SLCO1C1: variants seen among roughly 807,000 people sequenced by gnomAD.
SLCO1C1 encodes the protein solute carrier organic anion transporter family member 1C1.
Under a neutral mutation model 76.4 loss-of-function variants are expected in SLCO1C1, and 70 were observed. The ratio of observed to expected loss-of-function variants is 0.92; its 90% CI spans 0.76 to 1.12. The LOEUF is 1.12. SLCO1C1 is among the 50% of genes most tolerant of loss of function. The pLI, the probability that SLCO1C1 is intolerant of heterozygous loss-of-function variation, is 0.00. For synonymous variants in SLCO1C1, 306 were observed against 286.1 expected (o/e 1.07, Z -0.70); for missense variants, 912 against 823.8 (o/e 1.11, Z -1.31).
intron 4 of SLCO1C1, 118 bp from the exon 5 acceptor site, chr12:20,711,268 A>T: frequency 8.8e-7 from 1 of 1,139,468 alleles, no homozygotes; most frequent in Non-Finnish European, 1.2e-6. Context: ...TTGGTGAATT[A>T]GGTTCAGAGA....
chr12:20,703,038 C>A (rs1008194042), intron 3 of SLCO1C1, among the ~76,000 whole-genome samples: 1 of 151,766 alleles, frequency 6.6e-6, no homozygotes, highest in African/African-American at 2.4e-5. Context: ...TTCTTCCAGA[C>A]CATTCTAGGT....
chr12:20,718,583 G>A (rs571879194), intron 7 of SLCO1C1, among the ~76,000 whole-genome samples: 1 of 152,042 alleles, frequency 6.6e-6, no homozygotes, highest in East Asian at 1.9e-4. Context: ...AATGAGTCTC[G>A]AATTTAGTAT....
At chr12:20,699,757 A>G (rs1946430410) in intron 2 of SLCO1C1, 52 bp downstream of exon 2, 1 of 1,524,916 alleles carries the variant, frequency 6.6e-7, no homozygotes, top group Non-Finnish European at 8.8e-7. Flanking sequence ...TTCTGTCCAG[A>G]TATCATCTAT....
Position 20,701,448 on chromosome 12 carries a change from G to T in SLCO1C1, c.260G>T (p.Ser87Ile). The T allele has an allele frequency of 6.6e-7, 1 of 1,504,008 alleles. No individual in the cohort carries two copies. Among genetic ancestry groups the T allele is most frequent in the Non-Finnish European group, 9.0e-7 (1 of 1,107,938 alleles). 93.2% of individuals were successfully genotyped at this position (1,504,008 alleles called of 1,614,324 possible). A position where few individuals can be genotyped will look rare whatever the true frequency, so the allele number is the denominator to read the frequency against. ...PSSLVGVIDG[S>I]FEIGNLLVIT... ...TCACTGGTGGGAGTTATTGATGGTA[G>T]TTTTGAAATTGGTAGGTATTACAGA... is the stretch of plus-strand genomic sequence containing the variant. Residue 87 changes from serine (S) to isoleucine (I), a missense_variant, in exon 3 of 15, where the codon AGT becomes ATT. Physicochemically the swap from Ser to Ile is moderately radical, Grantham distance 142. Transcript: ENST00000266509.
chr12:20,708,739 G>A (rs1034572557), intron 4 of SLCO1C1, among the ~76,000 whole-genome samples: 1 of 152,162 alleles, frequency 6.6e-6, no homozygotes, highest in Non-Finnish European at 1.5e-5. Context: ...AAGCACAGAA[G>A]ATGAATGCTG....
intron 9 of SLCO1C1, among the ~76,000 whole-genome samples, chr12:20,725,024 CAT>C (rs987422487): frequency 7.2e-6 from 1 of 138,084 alleles, no homozygotes; most frequent in Non-Finnish European, 1.5e-5. Flanking sequence ...AAATATCTAA[CAT>C]ATATTAATAT....
chr12:20,723,925 A>G (rs1947803761), intron 9 of SLCO1C1, among the ~76,000 whole-genome samples: 1 of 152,062 alleles, frequency 6.6e-6, no homozygotes, highest in East Asian at 1.9e-4. Flanking sequence ...GGTATAAAAT[A>G]ATTTTCTCTA....
intron 3 of SLCO1C1, among the ~76,000 whole-genome samples, chr12:20,703,183 C>T (rs973895793): frequency 4.6e-5 from 7 of 151,822 alleles, no homozygotes; most frequent in Admixed American, 1.3e-4. Context: ...CAAATGACTT[C>T]GCTGAACATA....
chr12:20,713,544 C>T (rs1299844643), intron 5 of SLCO1C1, among the ~76,000 whole-genome samples: 1 of 152,120 alleles, frequency 6.6e-6, no homozygotes, highest in African/African-American at 2.4e-5. Flanking sequence ...AATTATTTCC[C>T]TTCCTTCAGG....
At chr12:20,720,238 T>C (rs1446768820) in intron 7 of SLCO1C1, among the ~76,000 whole-genome samples, 1 of 152,194 alleles carries the variant, frequency 6.6e-6, no homozygotes, top group Non-Finnish European at 1.5e-5. Context: ...TTACTGCTCA[T>C]TGGCAATGCA....
chr12:20,735,315 A>C (rs1044530579), intron 10 of SLCO1C1, among the ~76,000 whole-genome samples: 1 of 152,126 alleles, frequency 6.6e-6, no homozygotes, highest in Non-Finnish European at 1.5e-5. Flanking sequence ...ACAATCAAGA[A>C]ACCTGGCAGG....
At chr12:20,741,071 C>T (rs1948798494) in intron 12 of SLCO1C1, among the ~76,000 whole-genome samples, 1 of 151,882 alleles carries the variant, frequency 6.6e-6, no homozygotes, top group Non-Finnish European at 1.5e-5. Flanking sequence ...TCCTTCCTCA[C>T]AAGGCACAGG....
intron 3 of SLCO1C1, among the ~76,000 whole-genome samples, chr12:20,702,018 A>G (rs1321749918): frequency 2.0e-5 from 3 of 151,950 alleles, no homozygotes; most frequent in South Asian, 4.1e-4. Flanking sequence ...GCAATTGACT[A>G]CAGACTCCTT....
Position 20,701,026 on chromosome 12 carries a change from G to C in SLCO1C1, c.130-292G>C, listed in dbSNP as rs548269220. ...TGACTCTTCAATGTAAGACTCCTTT[G>C]AGTGCCCCTCTGGAGCAGAGTGGAA... On this transcript the variant is annotated intron_variant, in intron 2 of 14. Transcript: ENST00000266509. Among the ~76,000 whole-genome samples the C allele has an allele frequency of 3.9e-5, 6 of 152,104 alleles. No homozygotes were observed. The South Asian group carries it at 1.2e-3, about 32-fold the overall frequency.
chr12:20,745,312 T>C (rs911658128), intron 13 of SLCO1C1, among the ~76,000 whole-genome samples: 2 of 152,058 alleles, frequency 1.3e-5, no homozygotes, highest in Non-Finnish European at 2.9e-5. Context: ...TAAGCATACA[T>C]TGGTTAAATA....
intron 4 of SLCO1C1, among the ~76,000 whole-genome samples, chr12:20,710,370 A>G (rs1947028201): frequency 6.7e-6 from 1 of 149,104 alleles, no homozygotes; most frequent in Non-Finnish European, 1.5e-5. Context: ...TATGCATGCC[A>G]ATGCATATTC....
chr12:20,706,145 T>C lies in SLCO1C1; in HGVS notation c.404+64T>C, dbSNP rs908939684. The C allele has an allele frequency of 4.0e-6, 6 of 1,513,890 alleles. No homozygotes were observed. The Admixed American group carries it at 8.6e-5, about 22-fold the overall frequency. 93.8% of individuals were successfully genotyped at this position (1,513,890 alleles called of 1,614,324 possible). On this transcript the variant is annotated intron_variant, in intron 4 of 14. Coordinates refer to ENST00000266509, the MANE Select transcript of SLCO1C1 (RefSeq NM_017435.5). ...ACAACTGCATTTCTCCCTTTTATGA[T>C]GATTATTAATTATGCAAATTTAAGC...
At chr12:20,706,208 C>G in intron 4 of SLCO1C1, 127 bp downstream of exon 4, 2 of 1,184,904 alleles carry the variant, frequency 1.7e-6, no homozygotes, top group East Asian at 5.3e-5. Flanking sequence ...TTATTACATT[C>G]TCTTTGGATA....
At chr12:20,732,772 C>G (rs1166379219) in intron 9 of SLCO1C1, 137 bp from the exon 10 acceptor site, 17 of 877,986 alleles carry the variant, frequency 1.9e-5, no homozygotes, top group Non-Finnish European at 2.9e-5. Context: ...TCATCATACA[C>G]TCTTTGTATA....
Sources: allele counts gnomAD v4.1 joint callset (sites outside exome capture counted in the v4.1 genomes callset), GRCh38; gene constraint gnomAD v4.1.1; transcripts MANE v1.5; gene names NCBI Gene and HGNC (gene_info 2026-07-23, HGNC 2026-07-21).